The following MAN2A1 variants were observed in gnomAD, a reference collection of about 807,000 sequenced individuals.
MAN2A1 encodes the protein mannosidase alpha class 2A member 1.
Under a neutral mutation model 142.6 loss-of-function variants are expected in MAN2A1, and 76 were observed. The observed-to-expected ratio is 0.53, with a 90% CI of 0.44 to 0.65. The LOEUF (loss-of-function observed/expected upper bound fraction) is 0.65. MAN2A1 is among the 30% of genes least tolerant of loss of function. MAN2A1 has a pLI of 0.00. For synonymous variants in MAN2A1, 559 were observed against 473.2 expected, an observed-to-expected ratio of 1.18 and a Z score of -2.35; for missense variants, 1,311 against 1,365.1, an observed-to-expected ratio of 0.96 and a Z score of 0.62.
intron 1 of MAN2A1, among the ~76,000 whole-genome samples, chr5:109,704,387 T>A (rs929395847): frequency 6.6e-6 from 1 of 152,222 alleles, no homozygotes; most frequent in Admixed American, 6.5e-5. Context: ...TTTCTTTGAA[T>A]GGACAAGTGG....
intron 9 of MAN2A1, 97 bp from the exon 10 acceptor site, chr5:109,784,647 A>T: frequency 1.1e-6 from 1 of 917,342 alleles, no homozygotes; most frequent in Non-Finnish European, 1.6e-6. Flanking sequence ...TACTGCAATT[A>T]TGGATTAAAA....
intron 8 of MAN2A1, among the ~76,000 whole-genome samples, chr5:109,777,863 C>T (rs1364964242): frequency 6.6e-6 from 1 of 152,096 alleles, no homozygotes; most frequent in Non-Finnish European, 1.5e-5. Flanking sequence ...ATGAATGAGA[C>T]TGCATTTGTG....
At chr5:109,746,556 C>T (rs1752410546) in intron 4 of MAN2A1, among the ~76,000 whole-genome samples, 1 of 149,176 alleles carries the variant, frequency 6.7e-6, no homozygotes, top group African/African-American at 2.5e-5. Context: ...GATAGCATGC[C>T]ATGCACATTG....
At chr5:109,707,713 G>A (rs769872001) in intron 1 of MAN2A1, among the ~76,000 whole-genome samples, 19 of 152,136 alleles carry the variant, frequency 1.2e-4, no homozygotes, top group Admixed American at 5.2e-4. Context: ...TTAGGGTAGG[G>A]TGGGGAGGAG....
In MAN2A1 at chr5:109,784,858, A is replaced by C. The variant is rs368935205; in HGVS notation, c.1692A>C (p.Gly564=). The change falls in exon 10 of 22, where the codon GGA becomes GGC. Residue 564 remains glycine (G), a synonymous_variant. Transcript: ENST00000261483. The stretch of plus-strand genomic sequence containing the variant: ...TGACAGAAGCCAGAAGGAATTTGGG[A>C]CTGTTTCAACATCATGATGCTATCA... The part of the protein sequence containing the change: ...TALTEARRNL[G]LFQHHDAITG... The C allele has an allele frequency of 7.4e-6, 12 of 1,612,862 alleles. No homozygotes were observed. In the African/African-American group the frequency reaches 8.0e-5, roughly 11 times the overall value.
At chr5:109,835,464 T>C (rs912969228) in intron 16 of MAN2A1, among the ~76,000 whole-genome samples, 5 of 152,234 alleles carry the variant, frequency 3.3e-5, no homozygotes, top group Admixed American at 2.6e-4. Context: ...TTTGGAGATT[T>C]ATTTTATGTG....
chr5:109,697,455 T>C (rs542559108), intron 1 of MAN2A1, among the ~76,000 whole-genome samples: 1 of 152,336 alleles, frequency 6.6e-6, no homozygotes, highest in African/African-American at 2.4e-5. Flanking sequence ...TAATCTTCCT[T>C]CTTTTGTCTC....
chr5:109,743,096 T>C (rs1348720317), intron 4 of MAN2A1, among the ~76,000 whole-genome samples: 1 of 152,200 alleles, frequency 6.6e-6, no homozygotes, highest in African/African-American at 2.4e-5. Flanking sequence ...CTCGAAATTC[T>C]GTCCTCTTTT....
chr5:109,788,945 C>G lies in MAN2A1; in HGVS notation c.1772C>G (p.Ser591Trp). The change falls in exon 11 of 22, where the codon TCG becomes TGG. Residue 591 changes from serine (S) to tryptophan (W), a missense_variant. Transcript: ENST00000261483. ...VVDYGTRLFH[S>W]LMVLEKIIGN... The stretch of plus-strand genomic sequence containing the variant: ...TTTTTGATTTACAGACTTTTTCATT[C>G]GTTAATGGTTTTGGAGAAGATAATT... 1 of 1,543,904 alleles carries G rather than the reference C, an allele frequency of 6.5e-7. No homozygotes were observed. The highest frequency in any genetic ancestry group is 8.9e-7 in the Non-Finnish European group (1 of 1,121,826).
chr5:109,841,937 A>G (rs1172740203), intron 16 of MAN2A1, among the ~76,000 whole-genome samples: 1 of 152,178 alleles, frequency 6.6e-6, no homozygotes, highest in South Asian at 2.1e-4. Flanking sequence ...AATGGTGAAA[A>G]AGTGGGCTAG....
At chr5:109,708,509 G>GACAGACACACACACACACACACAC (rs1751203281) in intron 1 of MAN2A1, among the ~76,000 whole-genome samples, 3 of 124,542 alleles carry the variant, frequency 2.4e-5, no homozygotes, top group African/African-American at 9.4e-5. Flanking sequence ...GAACTGATAG[G>GACAGACACACACACACACACACAC]ACACACACAC....
intron 16 of MAN2A1, among the ~76,000 whole-genome samples, chr5:109,833,784 C>T (rs2112746303): frequency 6.6e-6 from 1 of 152,250 alleles, no homozygotes; most frequent in African/African-American, 2.4e-5. Context: ...TGCCATAAGC[C>T]ACAGACTGAT....
intron 19 of MAN2A1, among the ~76,000 whole-genome samples, chr5:109,848,365 G>C (rs1461748760): frequency 6.6e-6 from 1 of 152,196 alleles, no homozygotes; most frequent in African/African-American, 2.4e-5. Flanking sequence ...TATCTTCAGA[G>C]TTCTCCGTAA....
chr5:109,794,984 C>T (rs979453821), intron 12 of MAN2A1, among the ~76,000 whole-genome samples: 5 of 151,842 alleles, frequency 3.3e-5, no homozygotes, highest in African/African-American at 1.2e-4. Flanking sequence ...ATGCTTTATC[C>T]AAAAGACTGA....
chr5:109,855,457 T>G, intron 20 of MAN2A1, 123 bp downstream of exon 20: 1 of 581,600 alleles, frequency 1.7e-6, no homozygotes, highest in Non-Finnish European at 2.7e-6. Context: ...TTAACAGGGC[T>G]TCACCTTTAG....
At chr5:109,715,499 G>A (rs1250859058) in intron 2 of MAN2A1, among the ~76,000 whole-genome samples, 2 of 151,872 alleles carry the variant, frequency 1.3e-5, no homozygotes, top group Non-Finnish European at 2.9e-5. Context: ...GCATTGAAAA[G>A]CTAGAAAACA....
intron 19 of MAN2A1, among the ~76,000 whole-genome samples, chr5:109,851,237 T>C (rs568534899): frequency 1.4e-4 from 22 of 152,354 alleles, no homozygotes; most frequent in Admixed American, 9.8e-4. Flanking sequence ...CAGTGAGGAC[T>C]GTGGCTGCAC....
intron 3 of MAN2A1, among the ~76,000 whole-genome samples, chr5:109,721,572 A>G (rs1311988690): frequency 3.3e-5 from 5 of 152,172 alleles, no homozygotes; most frequent in African/African-American, 1.2e-4. Context: ...TTTATCTGAC[A>G]ACCTTAATTG....
intron 12 of MAN2A1, among the ~76,000 whole-genome samples, chr5:109,798,750 C>G (rs984361257): frequency 6.6e-6 from 1 of 152,094 alleles, no homozygotes; most frequent in Non-Finnish European, 1.5e-5. Flanking sequence ...GGCACAATCT[C>G]GGCTTACTGC....
Sources: allele counts gnomAD v4.1 joint callset (sites outside exome capture counted in the v4.1 genomes callset), GRCh38; gene constraint gnomAD v4.1.1; transcripts MANE v1.5; gene names NCBI Gene and HGNC (gene_info 2026-07-23, HGNC 2026-07-21).